The following ERLEC1 variants were observed in gnomAD, a reference collection of about 807,000 sequenced individuals.
ERLEC1 encodes endoplasmic reticulum lectin 1.
A neutral mutation model predicts 68.0 loss-of-function variants in ERLEC1; 47 were observed. The observed-to-expected ratio is 0.69, with a 90% CI of 0.55 to 0.88. The LOEUF is 0.88. ERLEC1 is among the 40% of genes least tolerant of loss of function. ERLEC1 has a pLI of 0.00. For missense variants in ERLEC1, 567 were observed against 583.8 expected (o/e 0.97, Z 0.30); for synonymous variants, 225 against 203.2 (o/e 1.11, Z -0.91).
intron 1 of ERLEC1, among the ~76,000 whole-genome samples, chr2:53,793,764 C>G (rs572267168): frequency 6.6e-6 from 1 of 152,104 alleles, no homozygotes; most frequent in Non-Finnish European, 1.5e-5. Flanking sequence ...TCTTTATACT[C>G]CAAACATTAT....
Position 53,797,768 on chromosome 2 carries a change from T to C in ERLEC1, c.463T>C (p.Leu155=), listed in dbSNP as rs371252076. The C allele has an allele frequency of 8.4e-5, 135 of 1,613,000 alleles. 1 individual carries two copies. The highest frequency in any genetic ancestry group is 1.0e-4 in the Non-Finnish European group (121 of 1,179,542). The stretch of plus-strand genomic sequence containing the variant: ...TCACGAGTACTACCTTGGGAATATG[T>C]TGGCCAAGAACCTTCTATTTGAAAA... The part of the protein sequence containing the change: ...NIHEYYLGNM[L]AKNLLFEKER... The change falls in exon 5 of 14, where the codon TTG becomes CTG. Residue 155 remains leucine, a synonymous_variant. Transcript: ENST00000185150.
At chr2:53,812,676 C>A (rs2287348) in intron 10 of ERLEC1, among the ~76,000 whole-genome samples, 4 of 151,794 alleles carry the variant, frequency 2.6e-5, no homozygotes, top group Non-Finnish European at 4.4e-5. Flanking sequence ...ATGGGACTTA[C>A]CTGTAGAAGA....
At chr2:53,805,533 T>C (rs1676252029) in intron 8 of ERLEC1, among the ~76,000 whole-genome samples, 3 of 152,188 alleles carry the variant, frequency 2.0e-5, no homozygotes, top group Admixed American at 6.5e-5. Context: ...TACATTTTCT[T>C]TATCCATTCA....
rs1291721681 is a variant in ERLEC1, at chr2:53,787,201, G to C, written c.-10G>C. 1 of 1,594,124 alleles carries C rather than the reference G, an allele frequency of 6.3e-7. No homozygotes were observed. Among genetic ancestry groups the C allele is most frequent in the South Asian group, 1.1e-5 (1 of 90,440 alleles). On this transcript the variant is annotated 5_prime_UTR_variant, in exon 1 of 14. Coordinates refer to ENST00000185150, the MANE Select transcript of ERLEC1 (RefSeq NM_015701.5). ...GTTGTGGCGGTGGCTGGAGAAAGCGGCGGCGGAGGATGGAGGAAGGAGGCG... is the reference window on the plus strand; with the variant it reads ...GTTGTGGCGGTGGCTGGAGAAAGCGCCGGCGGAGGATGGAGGAAGGAGGCG...
chr2:53,797,624 CATT>C, intron 4 of ERLEC1, 32 bp downstream of exon 4: 1 of 1,585,506 alleles, frequency 6.3e-7, no homozygotes, highest in Non-Finnish European at 8.6e-7. Flanking sequence ...TATTATGAAA[CATT>C]ATAAGATGAG....
chr2:53,812,842 T>C (rs1216721902), intron 10 of ERLEC1, 107 bp from the exon 11 acceptor site: 18 of 1,102,212 alleles, frequency 1.6e-5, no homozygotes, highest in East Asian at 5.0e-5. Context: ...AATATAGATA[T>C]CCACTGTGCA....
intron 1 of ERLEC1, among the ~76,000 whole-genome samples, chr2:53,790,465 T>C (rs1385799283): frequency 6.6e-6 from 1 of 152,188 alleles, no homozygotes; most frequent in African/African-American, 2.4e-5. Context: ...TTTGTCTGTT[T>C]ACTAACTGAA....
At position 53,795,915 on chromosome 2, in the gene ERLEC1, A is replaced by G. The variant is rs530867057; in HGVS notation, c.268-18A>G. On this transcript the variant is annotated intron_variant, in intron 2 of 13. Coordinates refer to ENST00000185150, the MANE Select transcript of ERLEC1 (RefSeq NM_015701.5). ...ATTCTAGAAAAACTGTAAGTATTAA[A>G]CTCCAATTCTTTCTTAGGAAGAAGA... is the stretch of plus-strand genomic sequence containing the variant. 1 of 1,544,942 alleles carries G rather than the reference A, an allele frequency of 6.5e-7. No individual in the cohort carries two copies. Among genetic ancestry groups the G allele is most frequent in the South Asian group, 1.2e-5 (1 of 85,136 alleles).
chr2:53,815,676 T>G (rs1204156541), intron 13 of ERLEC1, among the ~76,000 whole-genome samples: 3 of 152,210 alleles, frequency 2.0e-5, no homozygotes, highest in Non-Finnish European at 2.9e-5. Flanking sequence ...TGTATAATAT[T>G]TCTGTACCTG....
chr2:53,792,160 G>A (rs754259918), intron 1 of ERLEC1, among the ~76,000 whole-genome samples: 1 of 150,660 alleles, frequency 6.6e-6, no homozygotes, highest in Non-Finnish European at 1.5e-5. Flanking sequence ...TATCTGATCC[G>A]CCCGTTTCGG....
chr2:53,814,879 C>G lies in ERLEC1; in HGVS notation c.1324C>G (p.Pro442Ala). 6.2e-7 allele frequency: 1 copy of G among 1,608,744 alleles called. No individual in the cohort carries two copies. Among genetic ancestry groups the G allele is most frequent in the Non-Finnish European group, 8.5e-7 (1 of 1,176,420 alleles). ...TTTTAGGTGCAAAGAATCAGATTCACCTCATGCTGTTACTGTATATATGCT... is the reference window on the plus strand; with the variant it reads ...TTTTAGGTGCAAAGAATCAGATTCAGCTCATGCTGTTACTGTATATATGCT... The part of the protein sequence containing the change: ...VKLKCKESDS[P>A]HAVTVYMLEP... The change falls in exon 13 of 14, where the codon CCT becomes GCT. Residue 442 changes from proline to alanine, a missense_variant. By Grantham distance (27) the Pro-to-Ala change is conservative (BLOSUM62 -1). Coordinates refer to ENST00000185150, the MANE Select transcript of ERLEC1 (RefSeq NM_015701.5).
intron 2 of ERLEC1, among the ~76,000 whole-genome samples, chr2:53,795,239 G>A (rs7568771): frequency 0.12 from 18,851 of 152,140 alleles, 1,211 homozygotes; most frequent in East Asian, 0.17. Context: ...GAAGGACACC[G>A]GCCTAGGAGC....
intron 13 of ERLEC1, among the ~76,000 whole-genome samples, chr2:53,816,717 CCTT>C (rs1022393998): frequency 1.3e-5 from 2 of 152,110 alleles, no homozygotes; most frequent in Admixed American, 1.3e-4. Context: ...TCCTATATTT[CCTT>C]CTAAAGACTT....
At chr2:53,805,435 T>C (rs1430897560) in intron 8 of ERLEC1, among the ~76,000 whole-genome samples, 1 of 152,040 alleles carries the variant, frequency 6.6e-6, no homozygotes, top group Non-Finnish European at 1.5e-5. Flanking sequence ...CCGGGCTGGT[T>C]TCGAACTCCT....
rs190017703 is a variant in ERLEC1 at position 53,794,214 on chromosome 2, T to G, written c.163-131T>G. 7.8e-6 allele frequency: 4 copies of G among 512,884 alleles called. No homozygotes were observed. In the Admixed American group the frequency reaches 1.6e-4, roughly 21 times the overall value. 31.8% of individuals were successfully genotyped at this position (512,884 alleles called of 1,614,324 possible). On this transcript the variant is annotated intron_variant, in intron 1 of 13. Transcript: ENST00000185150. ...GTTAATGTTTGTAGCATATTTTCCC[T>G]CCCTTTAAAATAATCATCTGTTGAA...
chr2:53,792,137 A>C (rs1675439992), intron 1 of ERLEC1, among the ~76,000 whole-genome samples: 1 of 151,108 alleles, frequency 6.6e-6, no homozygotes, highest in South Asian at 2.1e-4. Context: ...GATAGTCTGG[A>C]TCTCCTGCCC....
chr2:53,799,049 C>T lies in ERLEC1; in HGVS notation c.493C>T (p.Arg165Ter). 6 of 1,612,192 alleles carry T rather than the reference C, an allele frequency of 3.7e-6. No homozygotes were observed. The highest frequency in any genetic ancestry group is 5.1e-6 in the Non-Finnish European group (6 of 1,178,952). ...LAKNLLFEKE[R>*]EAEEKEKSNE... is the part of the protein sequence containing the mutation. ...ACACTTACCTTATTATTCCACAGAA[C>T]GAGAAGCAGAAGAAAAGGAAAAATC... The change falls in exon 6 of 14, where the codon CGA (arginine) becomes TGA (stop). Residue 165 changes from arginine (R) to a stop codon, truncating the protein, a stop_gained and splice_region_variant. Coordinates refer to ENST00000185150, the MANE Select transcript of ERLEC1 (RefSeq NM_015701.5). LOFTEE classifies it high-confidence loss of function.
intron 8 of ERLEC1, among the ~76,000 whole-genome samples, chr2:53,805,501 A>G (rs565797285): frequency 9.9e-5 from 15 of 152,276 alleles, no homozygotes; most frequent in Middle Eastern, 3.4e-3. Context: ...TACAGGTGTG[A>G]ACCACTGCAG....
chr2:53,817,774 G>T, intron 13 of ERLEC1, 124 bp from the exon 14 acceptor site: 2 of 616,750 alleles, frequency 3.2e-6, no homozygotes, highest in Non-Finnish European at 5.9e-6. Flanking sequence ...AATAATGTTG[G>T]ATGTTTATCT....
Sources: gnomAD v4.1 joint callset for allele counts (sites outside exome capture counted in the v4.1 genomes callset) on GRCh38, gnomAD v4.1.1 for gene constraint, MANE v1.5 for transcripts, NCBI Gene and HGNC (gene_info 2026-07-23, HGNC 2026-07-21) for gene names.